Variants in L3MBTL4 observed in about 807,000 individuals in gnomAD.
The protein encoded by L3MBTL4 is lethal(3)malignant brain tumor-like protein 4.
A neutral mutation model predicts 84.5 loss-of-function variants in L3MBTL4; 70 were observed. That is an observed-to-expected ratio of 0.83 (90% CI 0.68 to 1.01). L3MBTL4 has a LOEUF of 1.01. L3MBTL4 is among the 50% of genes least tolerant of loss of function. L3MBTL4 has a pLI of 0.00. For missense variants in L3MBTL4, 715 were observed against 754.8 expected, an observed-to-expected ratio of 0.95 and a Z score of 0.62; for synonymous variants, 274 against 259.8, an observed-to-expected ratio of 1.05 and a Z score of -0.52.
At chr18:6,101,722 T>C (rs369399280) in intron 14 of L3MBTL4, among the ~76,000 whole-genome samples, 2 of 152,248 alleles carry the variant, frequency 1.3e-5, no homozygotes, top group East Asian at 1.9e-4. Context: ...TCATGGCATA[T>C]GTGCATTCAA....
At chr18:6,228,554 A>T (rs559655201) in intron 10 of L3MBTL4, among the ~76,000 whole-genome samples, 45 of 152,302 alleles carry the variant, frequency 3.0e-4, no homozygotes, top group African/African-American at 1.1e-3. Context: ...TAATAAGAAA[A>T]ATAATTCTTA....
At chr18:6,031,960 C>T in intron 16 of L3MBTL4, 1 of 519,220 alleles carries the variant, frequency 1.9e-6, no homozygotes, top group South Asian at 8.1e-5. Context: ...TTTCTCCACC[C>T]TTTCCACCAT....
chr18:6,050,406 A>G (rs779668326), intron 16 of L3MBTL4, among the ~76,000 whole-genome samples: 1 of 152,226 alleles, frequency 6.6e-6, no homozygotes, highest in Non-Finnish European at 1.5e-5. Flanking sequence ...ACCATTCTGA[A>G]AAGCAATTAA....
At chr18:6,032,967 T>A (rs1182863878) in intron 16 of L3MBTL4, among the ~76,000 whole-genome samples, 3 of 152,192 alleles carry the variant, frequency 2.0e-5, no homozygotes, top group Non-Finnish European at 4.4e-5. Flanking sequence ...CTGGAGAATG[T>A]TTCTTGTGCA....
At chr18:6,035,274 G>A (rs1418884581) in intron 16 of L3MBTL4, among the ~76,000 whole-genome samples, 2 of 152,200 alleles carry the variant, frequency 1.3e-5, no homozygotes, top group Admixed American at 6.5e-5. Flanking sequence ...GGGTTTTTAT[G>A]GTTTTAGGTC....
chr18:6,217,271 T>A (rs1332698805), intron 10 of L3MBTL4, among the ~76,000 whole-genome samples: 2 of 152,118 alleles, frequency 1.3e-5, no homozygotes, highest in African/African-American at 4.8e-5. Context: ...CCCATCATCG[T>A]CCCTTCTAGG....
At chr18:6,394,107 A>C (rs1006950845) in intron 1 of L3MBTL4, among the ~76,000 whole-genome samples, 1 of 152,122 alleles carries the variant, frequency 6.6e-6, no homozygotes, top group African/African-American at 2.4e-5. Flanking sequence ...ATCTGCCCCC[A>C]GCCCAGTGCT....
chr18:6,138,996 T>G (rs1441729726), intron 13 of L3MBTL4, among the ~76,000 whole-genome samples: 1 of 152,152 alleles, frequency 6.6e-6, no homozygotes, highest in African/African-American at 2.4e-5. Context: ...CTTAGAATAC[T>G]GGACAGAAAC....
intron 16 of L3MBTL4, among the ~76,000 whole-genome samples, chr18:6,052,552 T>C (rs1003169730): frequency 2.0e-5 from 3 of 152,212 alleles, no homozygotes; most frequent in African/African-American, 7.2e-5. Context: ...ACGCCTCTTG[T>C]GGAATAACAA....
intron 4 of L3MBTL4, among the ~76,000 whole-genome samples, chr18:6,296,855 G>A (rs2050128325): frequency 6.6e-6 from 1 of 152,132 alleles, no homozygotes; most frequent in African/African-American, 2.4e-5. Flanking sequence ...GTTGAGAAAA[G>A]GCACTGGGTT....
At position 6,093,498 on chromosome 18, in the gene L3MBTL4, G is replaced by A; in HGVS notation, c.1230C>T (p.Asn410=). The change falls in exon 15 of 19, where the codon AAC becomes AAT. Residue 410 remains asparagine, a synonymous_variant. Transcript: ENST00000317931. The stretch of plus-strand genomic sequence containing the variant: ...CGTGAAGTGTTGCCTCCTTTTTCAA[G>A]TTCATGTCTGAATACGGGCAGCCAA... ...SAFGCPYSDM[N]LKKEATLHDR... 6.2e-7 allele frequency: 1 copy of A among 1,613,504 alleles called. No homozygotes were observed. Among genetic ancestry groups the A allele is most frequent in the Non-Finnish European group, 8.5e-7 (1 of 1,179,870 alleles).
intron 15 of L3MBTL4, among the ~76,000 whole-genome samples, chr18:6,083,515 T>C (rs1442071683): frequency 2.0e-5 from 3 of 152,084 alleles, no homozygotes; most frequent in Non-Finnish European, 4.4e-5. Context: ...TTCAAAAGAA[T>C]CCACTGCATA....
chr18:6,386,190 A>G (rs2054809981), intron 1 of L3MBTL4, among the ~76,000 whole-genome samples: 1 of 152,208 alleles, frequency 6.6e-6, no homozygotes, highest in Non-Finnish European at 1.5e-5. Flanking sequence ...ATTTGAGTTG[A>G]ACTTAAAGAA....
At chr18:5,997,947 G>T (rs1369694107) in intron 16 of L3MBTL4, among the ~76,000 whole-genome samples, 2 of 152,150 alleles carry the variant, frequency 1.3e-5, no homozygotes, top group African/African-American at 4.8e-5. Context: ...ATCCCCCAGG[G>T]ATATCAGGGG....
Position 6,138,232 on chromosome 18 carries a change from T to C in L3MBTL4, c.1161A>G (p.Ile387Met). The C allele has an allele frequency of 1.9e-6, 3 of 1,613,440 alleles. No homozygotes were observed. Among genetic ancestry groups the C allele is most frequent in the Non-Finnish European group, 2.5e-6 (3 of 1,179,568 alleles). The part of the protein sequence containing the change: ...AVCPTPGCRG[I>M]GHIRGPRYSG... ...AATAACGTGGACCACGGATATGGCCTATTCCTCGGCACCCGGGAGTAGGAC... is the reference window on the plus strand; with the variant it reads ...AATAACGTGGACCACGGATATGGCCCATTCCTCGGCACCCGGGAGTAGGAC... Residue 387 changes from isoleucine (I) to methionine (M), a missense_variant, in exon 14 of 19, where the codon ATA becomes ATG. Transcript: ENST00000317931.
At chr18:6,260,499 C>T (rs772377921) in intron 5 of L3MBTL4, 9 of 151,976 alleles carry the variant, frequency 5.9e-5, no homozygotes, top group Non-Finnish European at 1.0e-4. Flanking sequence ...AGATCTTTCA[C>T]CTTCTTGGTT....
intron 16 of L3MBTL4, among the ~76,000 whole-genome samples, chr18:5,998,668 G>A (rs1298192425): frequency 6.6e-6 from 1 of 152,174 alleles, no homozygotes; most frequent in African/African-American, 2.4e-5. Flanking sequence ...ACTTCTCTAA[G>A]TCACGTGGGG....
intron 1 of L3MBTL4, among the ~76,000 whole-genome samples, chr18:6,360,645 G>T (rs914693438): frequency 1.3e-5 from 2 of 152,058 alleles, no homozygotes; most frequent in Non-Finnish European, 2.9e-5. Context: ...TGTGTATGGG[G>T]TTAAACTGCT....
intron 12 of L3MBTL4, among the ~76,000 whole-genome samples, chr18:6,205,653 C>T (rs2045844347): frequency 6.6e-6 from 1 of 152,210 alleles, no homozygotes; most frequent in South Asian, 2.1e-4. Context: ...CTGAGTCCAT[C>T]ATCCTTTCTT....
Sources: gnomAD v4.1 joint callset for allele counts (sites outside exome capture counted in the v4.1 genomes callset) on GRCh38, gnomAD v4.1.1 for gene constraint, MANE v1.5 for transcripts, NCBI Gene and HGNC (gene_info 2026-07-23, HGNC 2026-07-21) for gene names.